ODF2L: variants seen among roughly 807,000 people sequenced by gnomAD.
ODF2L encodes protein BCAP.
ODF2L carries 76 observed loss-of-function variants against 86.3 expected under a neutral mutation model. That is an observed-to-expected ratio of 0.88 (90% CI 0.73 to 1.07). The LOEUF (loss-of-function observed/expected upper bound fraction) is 1.07, where lower values mean the gene tolerates loss of function less well. Ranked by LOEUF, ODF2L falls within the 50% of genes least tolerant of loss-of-function variation. The probability of loss-of-function intolerance (pLI) is 0.00; values close to 1 mark genes in which losing one functional copy is unlikely to be tolerated. For missense variants in ODF2L, 748 were observed against 717.4 expected (o/e 1.04, Z -0.49); for synonymous variants, 241 against 231.3 (o/e 1.04, Z -0.38).
intron 9 of ODF2L, among the ~76,000 whole-genome samples, chr1:86,372,102 T>A (rs1183559852): frequency 6.7e-6 from 1 of 149,824 alleles, no homozygotes; most frequent in South Asian, 2.1e-4. Flanking sequence ...AACAGGAAAA[T>A]CACTTGAACC....
chr1:86,390,513 C>T (rs1449337356), intron 1 of ODF2L, among the ~76,000 whole-genome samples: 1 of 152,154 alleles, frequency 6.6e-6, no homozygotes, highest in East Asian at 1.9e-4. Context: ...ACTACAGATG[C>T]AGGGATGGTT....
intron 10 of ODF2L, among the ~76,000 whole-genome samples, chr1:86,369,214 T>TA (rs1659637873): frequency 6.6e-6 from 1 of 152,064 alleles, no homozygotes; most frequent in Admixed American, 6.6e-5. Flanking sequence ...ATAAAGGACT[T>TA]ACAAAATTTC....
intron 1 of ODF2L, among the ~76,000 whole-genome samples, chr1:86,394,851 T>TTC (rs1661605106): frequency 6.8e-6 from 1 of 148,016 alleles, no homozygotes; most frequent in Non-Finnish European, 1.5e-5. Context: ...TTTTTTTTTT[T>TTC]TTTTTTTGAG....
At chr1:86,381,175 T>C (rs1179358421) in intron 7 of ODF2L, among the ~76,000 whole-genome samples, 1 of 152,164 alleles carries the variant, frequency 6.6e-6, no homozygotes, top group Non-Finnish European at 1.5e-5. Context: ...TTGAATTTCA[T>C]AGCAAAATTT....
chr1:86,348,881 A>G (rs192094466), downstream of ODF2L: 21 of 1,551,446 alleles, frequency 1.4e-5, no homozygotes, highest in East Asian at 5.0e-4. Flanking sequence ...TGTGCTTTCT[A>G]AAGAAAAAAG....
chr1:86,360,668 C>T (rs1292633796), intron 11 of ODF2L, 132 bp from the exon 11 acceptor site: 6 of 457,394 alleles, frequency 1.3e-5, no homozygotes, highest in Non-Finnish European at 1.9e-5. Flanking sequence ...TCATGCAATA[C>T]CATCTAAAAT....
chr1:86,366,383 A>AC (rs1570380725), intron 11 of ODF2L, among the ~76,000 whole-genome samples: 1 of 139,630 alleles, frequency 7.2e-6, no homozygotes, highest in African/African-American at 2.8e-5. Context: ...GCATAGTGAG[A>AC]CCCCACCTAC....
intron 12 of ODF2L, among the ~76,000 whole-genome samples, chr1:86,359,767 G>A (rs983318171): frequency 1.3e-4 from 19 of 151,906 alleles, no homozygotes; most frequent in Non-Finnish European, 1.9e-4. Context: ...CAAATGATCC[G>A]CCCACCTCAG....
chr1:86,356,479 C>T lies in ODF2L; in HGVS notation c.1483G>A (p.Asp495Asn), dbSNP rs573966982. 17 of 1,613,854 alleles carry T rather than the reference C, an allele frequency of 1.1e-5. No individual in the cohort carries two copies. In the East Asian group the frequency reaches 3.3e-4, roughly 32 times the overall value. Reference sequence around the variant, plus strand: ...AGCTCCCTAATGGTGTGTTCCTGGTCTGCACACTTCCCCTTGCAGCACTGC... The same window carrying T: ...AGCTCCCTAATGGTGTGTTCCTGGTTTGCACACTTCCCCTTGCAGCACTGC... The change falls in exon 14 of 18, where the codon GAC becomes AAC. Residue 495 changes from aspartate (D) to asparagine (N), a missense_variant. Coordinates refer to ENST00000317336, the Ensembl canonical transcript of ODF2L.
At chr1:86,392,938 T>C (rs887113073) in intron 1 of ODF2L, among the ~76,000 whole-genome samples, 1 of 152,152 alleles carries the variant, frequency 6.6e-6, no homozygotes, top group African/African-American at 2.4e-5. Flanking sequence ...CAAGAGGACA[T>C]GTACTTAAAG....
At chr1:86,363,823 C>T (rs1172327278) in intron 11 of ODF2L, among the ~76,000 whole-genome samples, 1 of 151,840 alleles carries the variant, frequency 6.6e-6, no homozygotes, top group Admixed American at 6.6e-5. Context: ...TTTAACCTTC[C>T]AAATAAACTT....
Position 86,371,011 on chromosome 1 carries a change from A to G in ODF2L, c.1056+7T>C, listed in dbSNP as rs772775848. 2.1e-5 allele frequency: 33 copies of G among 1,555,648 alleles called. No individual in the cohort carries two copies. Among genetic ancestry groups the G allele is most frequent in the Non-Finnish European group, 2.8e-5 (32 of 1,151,182 alleles). On this transcript the variant is annotated splice_region_variant and intron_variant, in intron 10 of 17. Transcript: ENST00000317336. ...TACATGCCTGCTCAAACACTCATAC[A>G]TAGTACCTTTAATTTTGTATTCTCA...
chr1:86,379,904 CATG>C, intron 7 of ODF2L, among the ~76,000 whole-genome samples: 1 of 152,174 alleles, frequency 6.6e-6, no homozygotes, highest in African/African-American at 2.4e-5. Context: ...CTCTTGGTGA[CATG>C]ATGAGAGACG....
chr1:86,363,275 T>C (rs1432489593), intron 11 of ODF2L, among the ~76,000 whole-genome samples: 1 of 152,182 alleles, frequency 6.6e-6, no homozygotes, highest in Non-Finnish European at 1.5e-5. Context: ...TAGACACCTA[T>C]TAAATATTGA....
chr1:86,376,287 C>T (rs372262481), exon 8 of ODF2L: 7 of 1,612,884 alleles, frequency 4.3e-6, no homozygotes, highest in Non-Finnish European at 5.9e-6. Context: ...AATGGTCAAG[C>T]CTTTGTTTGT....
intron 1 of ODF2L, among the ~76,000 whole-genome samples, chr1:86,388,988 C>G (rs557722146): frequency 6.6e-6 from 1 of 152,234 alleles, no homozygotes; most frequent in East Asian, 1.9e-4. Flanking sequence ...AAATTATCAA[C>G]AGTCATCTTC....
chr1:86,383,551 A>G (rs1206472719), intron 4 of ODF2L, among the ~76,000 whole-genome samples: 1 of 151,790 alleles, frequency 6.6e-6, no homozygotes, highest in Non-Finnish European at 1.5e-5. Context: ...AACAATCTAA[A>G]TTCTAGCAAT....
chr1:86,353,998 C>T (rs1658343769), intron 16 of ODF2L, among the ~76,000 whole-genome samples: 4 of 152,226 alleles, frequency 2.6e-5, no homozygotes, highest in African/African-American at 9.6e-5. Context: ...CCAAAATGCA[C>T]TTAGGCTGAA....
At chr1:86,347,736 T>C (rs534829853), downstream of ODF2L, 1 of 152,302 alleles carries the variant, frequency 6.6e-6, no homozygotes, top group Admixed American at 6.5e-5. Flanking sequence ...TTAGTGATCT[T>C]TTAAGACCTG....
Sources: allele counts gnomAD v4.1 joint callset (sites outside exome capture counted in the v4.1 genomes callset), GRCh38; gene constraint gnomAD v4.1.1; transcripts MANE v1.5; gene names NCBI Gene and HGNC (gene_info 2026-07-23, HGNC 2026-07-21).